Variants in FGF12 observed in about 807,000 individuals in gnomAD.
The protein encoded by FGF12 is fibroblast growth factor 12, also known as fibroblast growth factor 12B.
A neutral mutation model predicts 23.6 loss-of-function variants in FGF12; 14 were observed. The ratio of observed to expected loss-of-function variants is 0.59; its 90% CI spans 0.39 to 0.93. The LOEUF is 0.93. Ranked by LOEUF, FGF12 falls within the 40% of genes least tolerant of loss-of-function variation. FGF12 has a pLI of 0.00. For missense variants in FGF12, 175 were observed against 217.8 expected (o/e 0.80, Z 1.24); for synonymous variants, 62 against 77.3 (o/e 0.80, Z 1.04).
At position 192,513,330 on chromosome 3, in the gene FGF12, T is replaced by C. The variant is rs192719724; in HGVS notation, c.14-152792A>G. Among the ~76,000 whole-genome samples the C allele has an allele frequency of 4.2e-3, 639 of 152,240 alleles. 1 individual carries two copies. Among genetic ancestry groups the C allele is most frequent in the Non-Finnish European group, 6.2e-3 (424 of 67,998 alleles). ...TTACAAATATAATGGCAAAAAATAA[T>C]GTACAAATAATCTTCCGAACTGCAT... On this transcript the variant is annotated intron_variant, in intron 2 of 5. Coordinates refer to ENST00000445105, the MANE Select transcript of FGF12 (RefSeq NM_004113.6).
At chr3:192,259,306 T>G (rs775903549) in intron 4 of FGF12, among the ~76,000 whole-genome samples, 3 of 152,166 alleles carry the variant, frequency 2.0e-5, no homozygotes, top group Non-Finnish European at 2.9e-5. Context: ...TATTGGAATT[T>G]TAAAAATTAT....
intron 3 of FGF12, among the ~76,000 whole-genome samples, chr3:192,349,462 T>C (rs1718108915): frequency 6.6e-6 from 1 of 152,076 alleles, no homozygotes; most frequent in African/African-American, 2.4e-5. Flanking sequence ...TATTTTCTTT[T>C]TCCTGCAACA....
At chr3:192,361,543 T>G (rs1000342734) in intron 2 of FGF12, among the ~76,000 whole-genome samples, 3 of 152,196 alleles carry the variant, frequency 2.0e-5, no homozygotes, top group African/African-American at 7.2e-5. Context: ...AACAACATGG[T>G]ATCCTCAGAA....
chr3:192,631,999 C>G (rs1419761903), intron 2 of FGF12, among the ~76,000 whole-genome samples: 1 of 152,158 alleles, frequency 6.6e-6, no homozygotes, highest in Non-Finnish European at 1.5e-5. Context: ...TTCCATGTTA[C>G]AAAAGAACCC....
chr3:192,502,189 TG>T (rs1560131263), intron 2 of FGF12, among the ~76,000 whole-genome samples: 1 of 152,194 alleles, frequency 6.6e-6, no homozygotes, highest in Admixed American at 6.5e-5. Context: ...TCCCATTCTT[TG>T]TTCTTGGAAA....
At chr3:192,220,534 T>C (rs183136276) in intron 4 of FGF12, among the ~76,000 whole-genome samples, 12 of 152,330 alleles carry the variant, frequency 7.9e-5, no homozygotes, top group African/African-American at 2.9e-4. Context: ...CCATCAAATC[T>C]TAAGTAGTTT....
chr3:192,449,281 A>T (rs1722452061), intron 2 of FGF12, among the ~76,000 whole-genome samples: 1 of 151,974 alleles, frequency 6.6e-6, no homozygotes, highest in South Asian at 2.1e-4. Context: ...TTACTTCTAT[A>T]TTGATTTTCT....
chr3:192,520,991 C>G (rs950163853), intron 2 of FGF12, among the ~76,000 whole-genome samples: 4 of 152,188 alleles, frequency 2.6e-5, no homozygotes, highest in African/African-American at 9.7e-5. Context: ...GTGAGAAATA[C>G]ACTCTGTGTG....
At chr3:192,464,956 A>C (rs1191142542) in intron 2 of FGF12, among the ~76,000 whole-genome samples, 2 of 152,180 alleles carry the variant, frequency 1.3e-5, no homozygotes, top group East Asian at 3.9e-4. Flanking sequence ...ATCTGATTTT[A>C]ATGAGAAAAG....
At chr3:192,389,857 T>C (rs989298839) in intron 2 of FGF12, among the ~76,000 whole-genome samples, 2 of 152,244 alleles carry the variant, frequency 1.3e-5, no homozygotes, top group African/African-American at 4.8e-5. Flanking sequence ...CCATAATATC[T>C]GGACAACAAA....
At chr3:192,318,659 A>G (rs1362604780) in intron 4 of FGF12, among the ~76,000 whole-genome samples, 1 of 152,168 alleles carries the variant, frequency 6.6e-6, no homozygotes, top group African/African-American at 2.4e-5. Context: ...AGATCAGAGT[A>G]GAAAGTTTAT....
chr3:192,256,659 T>A (rs747784156), intron 4 of FGF12, among the ~76,000 whole-genome samples: 1 of 152,122 alleles, frequency 6.6e-6, no homozygotes, highest in Non-Finnish European at 1.5e-5. Flanking sequence ...CCATTTTAAT[T>A]AGACTGAAAT....
intron 2 of FGF12, among the ~76,000 whole-genome samples, chr3:192,627,180 T>C (rs1715201826): frequency 6.6e-6 from 1 of 152,134 alleles, no homozygotes; most frequent in African/African-American, 2.4e-5. Context: ...ACATAGCTAG[T>C]AGCATAGGAG....
At chr3:192,651,054 T>A (rs1716197779) in intron 2 of FGF12, among the ~76,000 whole-genome samples, 1 of 152,208 alleles carries the variant, frequency 6.6e-6, no homozygotes, top group South Asian at 2.1e-4. Flanking sequence ...AATCTGTACA[T>A]CTATGTCCTT....
At chr3:192,487,359 T>G (rs968541516) in intron 2 of FGF12, among the ~76,000 whole-genome samples, 14 of 152,138 alleles carry the variant, frequency 9.2e-5, no homozygotes, top group African/African-American at 3.4e-4. Context: ...CTTAATTCAC[T>G]TATTAGTCCC....
At chr3:192,193,669 A>G (rs1716916778) in intron 4 of FGF12, among the ~76,000 whole-genome samples, 1 of 152,174 alleles carries the variant, frequency 6.6e-6, no homozygotes, top group African/African-American at 2.4e-5. Flanking sequence ...TCCATTTTCA[A>G]CATCACTGGT....
intron 4 of FGF12, among the ~76,000 whole-genome samples, chr3:192,227,810 C>A (rs1718818579): frequency 6.6e-6 from 1 of 152,034 alleles, no homozygotes; most frequent in Admixed American, 6.6e-5. Context: ...GTGCTCAAAA[C>A]AGAAGCAACT....
At chr3:192,717,718 T>C (rs1213414623) in intron 2 of FGF12, among the ~76,000 whole-genome samples, 2 of 152,242 alleles carry the variant, frequency 1.3e-5, no homozygotes, top group Admixed American at 6.5e-5. Flanking sequence ...TACAATCTAC[T>C]ATTTGCCAAT....
At position 192,360,574 on chromosome 3, in the gene FGF12, G is replaced by T; in HGVS notation, c.14-36C>A. ...AAATAATTATTCAAATTTTTATTTG[G>T]CTTACACAAATGCACACTTACAGAT... is the stretch of plus-strand genomic sequence containing the variant. On this transcript the variant is annotated intron_variant, in intron 2 of 5. Coordinates refer to ENST00000445105, the MANE Select transcript of FGF12 (RefSeq NM_004113.6). The surrounding 1 kb of genome is among the most constrained non-coding windows in gnomAD (Gnocchi z 4.3). 6.9e-7 allele frequency: 1 copy of T among 1,454,832 alleles called. No homozygotes were observed. The highest frequency in any genetic ancestry group is 9.7e-7 in the Non-Finnish European group (1 of 1,035,076). The allele number at this position is 1,454,832 out of a possible 1,614,324, so 90.1% of individuals were successfully genotyped here.
Sources: allele counts gnomAD v4.1 joint callset (sites outside exome capture counted in the v4.1 genomes callset), GRCh38; gene constraint gnomAD v4.1.1; non-coding constraint Gnocchi (gnomAD v3.1); transcripts MANE v1.5; gene names NCBI Gene and HGNC (gene_info 2026-07-23, HGNC 2026-07-21).